ADAMTS19: variants seen among roughly 807,000 people sequenced by gnomAD.
ADAMTS19 encodes the protein A disintegrin and metalloproteinase with thrombospondin motifs 19.
Under a neutral mutation model 153.3 loss-of-function variants are expected in ADAMTS19, and 93 were observed. The ratio of observed to expected loss-of-function variants is 0.61; its 90% CI spans 0.51 to 0.72. The LOEUF is 0.72. ADAMTS19 is among the 30% of genes least tolerant of loss of function. ADAMTS19 has a pLI of 0.00. For synonymous variants in ADAMTS19, 600 were observed against 556.6 expected (o/e 1.08, Z -1.10); for missense variants, 1,482 against 1,552.1 (o/e 0.95, Z 0.76).
Position 129,694,760 on chromosome 5 carries a change from C to A in ADAMTS19, c.2859C>A (p.Ser953Arg). The A allele has an allele frequency of 1.2e-6, 2 of 1,605,368 alleles. No homozygotes were observed. Among genetic ancestry groups the A allele is most frequent in the South Asian group, 1.1e-5 (1 of 89,492 alleles). The change falls in exon 19 of 23, where the codon AGC becomes AGA. Residue 953 changes from serine to arginine, a missense_variant. This residue lies in a region of ADAMTS19 where 616 missense variants were observed against 724.4 expected (regional missense o/e 0.85). Transcript: ENST00000274487. ...KTTVSCTKIM[S>R]KNISIVDNEK... ...CAGTGTCCTGCACAAAAATCATGAG[C>A]AAAAATATCAGCATTGTGGACAATG...
intron 21 of ADAMTS19, among the ~76,000 whole-genome samples, chr5:129,729,243 T>C (rs1757334877): frequency 6.6e-6 from 1 of 152,038 alleles, no homozygotes; most frequent in African/African-American, 2.4e-5. Context: ...TTTGGCTTTT[T>C]CTTTAATGTC....
chr5:129,608,090 A>ATGTGTGTGTGTGTGTGTG (rs747075161), intron 8 of ADAMTS19, among the ~76,000 whole-genome samples: 37 of 104,542 alleles, frequency 3.5e-4, no homozygotes, highest in African/African-American at 1.4e-3. Context: ...TTTTATATAT[A>ATGTGTGTGTGTGTGTGTG]TGTGTGTGTG....
At chr5:129,586,363 G>A (rs955856383) in intron 7 of ADAMTS19, among the ~76,000 whole-genome samples, 2 of 152,044 alleles carry the variant, frequency 1.3e-5, no homozygotes, top group Non-Finnish European at 2.9e-5. Flanking sequence ...GGCATCCACC[G>A]ATCTTTTTAC....
At chr5:129,606,420 C>A (rs1478626312) in intron 8 of ADAMTS19, among the ~76,000 whole-genome samples, 1 of 152,220 alleles carries the variant, frequency 6.6e-6, no homozygotes, top group Non-Finnish European at 1.5e-5. Context: ...TGGCCAAATT[C>A]TATTCATTCT....
rs748371915 is a variant in ADAMTS19 at position 129,578,041 on chromosome 5, TACACACAC to T, written c.1373-18486_1373-18479del. On this transcript the variant is annotated intron_variant, in intron 7 of 22. Coordinates refer to ENST00000274487, the MANE Select transcript of ADAMTS19 (RefSeq NM_133638.6). ...GAATTTATTGATTTTCAAACTTACA[TACACACAC>T]ACACACACACACACACACACACACA... Among the ~76,000 whole-genome samples the T allele has an allele frequency of 1.6e-3, 154 of 98,610 alleles. 5 individuals carry two copies. The highest frequency in any genetic ancestry group is 9.9e-3 in the South Asian group (27 of 2,722). The allele number at this position is 98,610 out of a possible 152,430, so 64.7% of individuals were successfully genotyped here.
chr5:129,667,921 A>T (rs1458401697), intron 16 of ADAMTS19, among the ~76,000 whole-genome samples: 1 of 152,214 alleles, frequency 6.6e-6, no homozygotes, highest in Non-Finnish European at 1.5e-5. Flanking sequence ...ATGTCACTGC[A>T]TTAGTGTCCT....
At chr5:129,730,140 A>G (rs1015873820) in intron 21 of ADAMTS19, among the ~76,000 whole-genome samples, 6 of 152,086 alleles carry the variant, frequency 3.9e-5, no homozygotes, top group Admixed American at 2.6e-4. Context: ...TTATATGATT[A>G]TATCCATTGT....
intron 6 of ADAMTS19, among the ~76,000 whole-genome samples, chr5:129,534,377 G>A (rs1752331924): frequency 6.6e-6 from 1 of 152,252 alleles, no homozygotes; most frequent in African/African-American, 2.4e-5. Context: ...AAACCAGGAA[G>A]AAGTTGAATC....
chr5:129,709,361 A>G (rs776153708), intron 21 of ADAMTS19, among the ~76,000 whole-genome samples: 42 of 152,212 alleles, frequency 2.8e-4, no homozygotes, highest in Admixed American at 5.9e-4. Context: ...TTAGTAATTT[A>G]TTTTTATAAT....
chr5:129,532,355 G>A (rs1752237161), intron 6 of ADAMTS19, among the ~76,000 whole-genome samples: 1 of 152,000 alleles, frequency 6.6e-6, no homozygotes, highest in Non-Finnish European at 1.5e-5. Flanking sequence ...TCTCCAATAA[G>A]CATATAAAGA....
intron 7 of ADAMTS19, among the ~76,000 whole-genome samples, chr5:129,553,184 T>A (rs1445059603): frequency 6.6e-6 from 1 of 152,048 alleles, no homozygotes; most frequent in Non-Finnish European, 1.5e-5. Flanking sequence ...CCCAAAAGCC[T>A]TGTTTGATAG....
chr5:129,640,312 A>G (rs977758828), intron 10 of ADAMTS19, among the ~76,000 whole-genome samples: 8 of 152,196 alleles, frequency 5.3e-5, no homozygotes, highest in African/African-American at 1.7e-4. Flanking sequence ...TCAGAAATCT[A>G]AAGTATAGGA....
rs1440022192 is a variant in ADAMTS19, at chr5:129,701,497, C to T, written c.3064C>T (p.Arg1022Ter). The stretch of plus-strand genomic sequence containing the variant: ...GAGCAATGGAACACTGATTAGAGCC[C>T]GAGAGAGGGACTGCATTGGGCCCAA... The part of the protein sequence containing the change: ...QLSNGTLIRA[R>*]ERDCIGPKPA... Residue 1022 changes from arginine to a stop codon, truncating the protein, a stop_gained, in exon 20 of 23, where the codon CGA (arginine) becomes TGA (stop). Transcript: ENST00000274487. LOFTEE classifies it high-confidence loss of function. 3.7e-6 allele frequency: 6 copies of T among 1,614,146 alleles called. No individual in the cohort carries two copies. The highest frequency in any genetic ancestry group is 5.1e-6 in the Non-Finnish European group (6 of 1,180,028).
chr5:129,733,005 A>C (rs777897556), intron 21 of ADAMTS19, among the ~76,000 whole-genome samples: 1 of 152,072 alleles, frequency 6.6e-6, no homozygotes, highest in Non-Finnish European at 1.5e-5. Flanking sequence ...ACAAAACCAC[A>C]TACCTATAGC....
Position 129,551,911 on chromosome 5 carries a change from A to C in ADAMTS19, c.1372+4A>C. The C allele has an allele frequency of 6.4e-7, 1 of 1,563,930 alleles. No individual in the cohort carries two copies. The highest frequency in any genetic ancestry group is 8.6e-7 in the Non-Finnish European group (1 of 1,156,806). ...GATGAACCATGTGATACTGTTGGTAAGTGTGAAAATTCTCACACTTTTGGA... is the reference window on the plus strand; with the variant it reads ...GATGAACCATGTGATACTGTTGGTACGTGTGAAAATTCTCACACTTTTGGA... On this transcript the variant is annotated splice_donor_region_variant and intron_variant, in intron 7 of 22. Transcript: ENST00000274487.
intron 9 of ADAMTS19, among the ~76,000 whole-genome samples, chr5:129,621,785 G>A (rs1001791699): frequency 6.6e-6 from 1 of 152,152 alleles, no homozygotes; most frequent in African/African-American, 2.4e-5. Flanking sequence ...TATCTACACT[G>A]TTAATATTCA....
chr5:129,680,029 T>C (rs1331621641), intron 17 of ADAMTS19, 108 bp downstream of exon 17: 4 of 1,175,594 alleles, frequency 3.4e-6, no homozygotes, highest in Non-Finnish European at 4.6e-6. Flanking sequence ...CACACAGACA[T>C]TTAAAATTAT....
chr5:129,520,240 C>G (rs1429231692), intron 3 of ADAMTS19, among the ~76,000 whole-genome samples: 1 of 152,080 alleles, frequency 6.6e-6, no homozygotes, highest in Non-Finnish European at 1.5e-5. Flanking sequence ...AGACTTAGTG[C>G]CTTAGGGAAG....
intron 7 of ADAMTS19, among the ~76,000 whole-genome samples, chr5:129,583,608 C>A (rs1019861814): frequency 1.3e-5 from 2 of 151,748 alleles, no homozygotes; most frequent in African/African-American, 4.8e-5. Flanking sequence ...TTTGTTCATT[C>A]CTTTTCATTC....
Sources: allele counts gnomAD v4.1 joint callset (sites outside exome capture counted in the v4.1 genomes callset), GRCh38; gene constraint gnomAD v4.1.1; regional missense constraint gnomAD v4.1.1; transcripts MANE v1.5; gene names NCBI Gene and HGNC (gene_info 2026-07-23, HGNC 2026-07-21).